Variants in CFAP54 observed in about 807,000 individuals in gnomAD.
The protein encoded by CFAP54 is cilia- and flagella-associated protein 54.
In CFAP54, 290 loss-of-function variants were observed where a neutral mutation model predicts 370.4. That is an observed-to-expected ratio of 0.78 (90% CI 0.71 to 0.86). The LOEUF is 0.86. Among genes scored for constraint, CFAP54 ranks in the 40% least tolerant of loss-of-function variants. CFAP54 has a pLI of 0.00. For missense variants in CFAP54, 3,399 were observed against 3,528.7 expected (o/e 0.96, Z 0.93); for synonymous variants, 1,206 against 1,236.5 (o/e 0.98, Z 0.52).
intron 17 of CFAP54, among the ~76,000 whole-genome samples, chr12:96,561,213 T>C (rs1955811587): frequency 6.6e-6 from 1 of 152,158 alleles, no homozygotes; most frequent in Non-Finnish European, 1.5e-5. Flanking sequence ...GGTAATTGCA[T>C]AATGGGGGCA....
At chr12:96,661,625 T>G (rs1355699237) in intron 38 of CFAP54, among the ~76,000 whole-genome samples, 2 of 152,208 alleles carry the variant, frequency 1.3e-5, no homozygotes, top group Non-Finnish European at 2.9e-5. Flanking sequence ...TGCGGGCATG[T>G]TAGACTCATC....
At position 96,745,946 on chromosome 12, in the gene CFAP54, T is replaced by C. The variant is rs1003998406; in HGVS notation, c.7684+1800T>C. 2.0e-5 allele frequency among the ~76,000 whole-genome samples: 3 copies of C among 152,164 alleles called. No individual in the cohort carries two copies. In the East Asian group the frequency reaches 5.8e-4, roughly 29 times the overall value. ...AGTATTTTCAATCCCAGGTGGATGG[T>C]ATAGTTTCTCTGCAGTGGGAAAACG... On this transcript the variant is annotated intron_variant, in intron 55 of 67. Coordinates refer to ENST00000524981, the MANE Select transcript of CFAP54 (RefSeq NM_001306084.2).
At chr12:96,500,282 T>C (rs1029810068) in intron 1 of CFAP54, among the ~76,000 whole-genome samples, 7 of 152,208 alleles carry the variant, frequency 4.6e-5, no homozygotes, top group African/African-American at 1.7e-4. Context: ...TATCAGTGGT[T>C]AACAGAGATT....
rs1956294028 is a variant in CFAP54, at chr12:96,605,859, T to C, written c.3639+7092T>C. ...CTTCACTCTGGGGATGAGACTTAGG[T>C]ATGCTCTGAGCAAGAGTTACAAACT... On this transcript the variant is annotated intron_variant, in intron 26 of 67. Transcript: ENST00000524981. 3.3e-5 allele frequency among the ~76,000 whole-genome samples: 5 copies of C among 152,252 alleles called. No individual in the cohort carries two copies. In the South Asian group the frequency reaches 1.0e-3, roughly 32 times the overall value.
At chr12:96,660,122 A>C (rs1238136350) in intron 38 of CFAP54, among the ~76,000 whole-genome samples, 1 of 152,212 alleles carries the variant, frequency 6.6e-6, no homozygotes, top group Non-Finnish European at 1.5e-5. Context: ...GATCTAGAAG[A>C]CTTCTTGGAG....
chr12:96,612,999 C>T (rs1956375835), intron 26 of CFAP54, among the ~76,000 whole-genome samples: 1 of 152,184 alleles, frequency 6.6e-6, no homozygotes, highest in Non-Finnish European at 1.5e-5. Context: ...AGGAACTGAA[C>T]TCAGCTCTGC....
At chr12:96,664,289 C>T (rs1957031550) in intron 39 of CFAP54, among the ~76,000 whole-genome samples, 1 of 152,064 alleles carries the variant, frequency 6.6e-6, no homozygotes, top group African/African-American at 2.4e-5. Context: ...CCATCCTCTT[C>T]ACCCTCTGAT....
Position 96,829,082 on chromosome 12 carries a change from A to G in CFAP54, c.9165A>G (p.Leu3055=). Residue 3055 remains leucine (L), a synonymous_variant, in exon 66 of 68, where the codon CTA becomes CTG. Transcript: ENST00000524981. The part of the protein sequence containing the change: ...LFLNDKEPTP[L]SEVPFDISLP... ...TGAATGATAAAGAGCCAACACCACT[A>G]TCTGAGGTATGTATTTCTCCTTTAA... 1 of 1,492,842 alleles carries G rather than the reference A, an allele frequency of 6.7e-7. No individual in the cohort carries two copies. The highest frequency in any genetic ancestry group is 2.5e-5 in the East Asian group (1 of 40,516). The allele number at this position is 1,492,842 out of a possible 1,614,324, so 92.5% of individuals were successfully genotyped here.
chr12:96,594,366 G>T lies in CFAP54; in HGVS notation c.3436G>T (p.Ala1146Ser). 2.0e-6 allele frequency: 3 copies of T among 1,534,178 alleles called. No individual in the cohort carries two copies. The highest frequency in any genetic ancestry group is 2.6e-6 in the Non-Finnish European group (3 of 1,145,314). ...CAACTTCCTAAATGATTCCAGCTAT[G>T]CCCTTCAAGCTGTGACTCAATGTTA... Reference protein sequence around the residue: ...LSNFLNDSSYALQAVTQCYGL... With the variant: ...LSNFLNDSSYSLQAVTQCYGL... Residue 1146 changes from alanine to serine, a missense_variant, in exon 25 of 68, where the codon GCC becomes TCC. Physicochemically the swap from Ala to Ser is moderately conservative, Grantham distance 99. Transcript: ENST00000524981.
rs1335187842 is a variant in CFAP54, at chr12:96,527,308, C to T, written c.1221C>T (p.Ser407=). 6.5e-7 allele frequency: 1 copy of T among 1,535,734 alleles called. No homozygotes were observed. The highest frequency in any genetic ancestry group is 8.7e-7 in the Non-Finnish European group (1 of 1,146,686). The change falls in exon 9 of 68, where the codon TCC becomes TCT. Residue 407 remains serine, a synonymous_variant. Transcript: ENST00000524981. ...ATGAGATGTTTGATAGCACTGCATC[C>T]CAGTTTCTGGCTGTCTTGGAAGCTC... is the stretch of plus-strand genomic sequence containing the variant. ...LLDEMFDSTA[S]QFLAVLEALS...
chr12:96,729,753 A>C (rs1957896023), intron 50 of CFAP54, among the ~76,000 whole-genome samples: 1 of 152,162 alleles, frequency 6.6e-6, no homozygotes, highest in Non-Finnish European at 1.5e-5. Flanking sequence ...CTCAGATGGA[A>C]ATGCAGAAAT....
intron 65 of CFAP54, among the ~76,000 whole-genome samples, chr12:96,819,421 A>G (rs1959008143): frequency 6.6e-6 from 1 of 152,250 alleles, no homozygotes; most frequent in African/African-American, 2.4e-5. Context: ...CCAGTTTGGA[A>G]GACAGAAAGC....
At chr12:96,742,956 G>C (rs1958068943) in intron 52 of CFAP54, among the ~76,000 whole-genome samples, 1 of 152,150 alleles carries the variant, frequency 6.6e-6, no homozygotes, top group Non-Finnish European at 1.5e-5. Flanking sequence ...TCTTTGCCAA[G>C]TCTCTTAAAT....
At chr12:96,825,563 ATATT>A (rs1255819130) in intron 65 of CFAP54, among the ~76,000 whole-genome samples, 2 of 115,004 alleles carry the variant, frequency 1.7e-5, no homozygotes, top group African/African-American at 7.0e-5. Context: ...TATATATACT[ATATT>A]TACCTATAAT....
Position 96,872,767 on chromosome 12 carries a change from A to G in CFAP54, c.*15-2351A>G, listed in dbSNP as rs570016729. ...TGATGTGGGGTAGCTTTGATGCTTC[A>G]GAGGAGCAGGTAGAATTACTTGAGA... On this transcript the variant is annotated intron_variant, in intron 67 of 67. Transcript: ENST00000524981. 5.3e-5 allele frequency among the ~76,000 whole-genome samples: 8 copies of G among 152,280 alleles called. No individual in the cohort carries two copies. In the East Asian group the frequency reaches 1.5e-3, roughly 29 times the overall value.
At chr12:96,532,926 T>G (rs1384576386) in intron 9 of CFAP54, among the ~76,000 whole-genome samples, 3 of 152,116 alleles carry the variant, frequency 2.0e-5, no homozygotes, top group Non-Finnish European at 2.9e-5. Context: ...TGGGCCTCCG[T>G]GTTTTCTTTC....
intron 26 of CFAP54, among the ~76,000 whole-genome samples, chr12:96,610,834 TGG>T (rs983698912): frequency 6.6e-6 from 1 of 152,060 alleles, no homozygotes; most frequent in Non-Finnish European, 1.5e-5. Flanking sequence ...GCAGCAAGGC[TGG>T]GGGAGGGGCA....
At chr12:96,747,525 G>A (rs780743720) in intron 55 of CFAP54, among the ~76,000 whole-genome samples, 8 of 152,190 alleles carry the variant, frequency 5.3e-5, no homozygotes, top group Non-Finnish European at 1.2e-4. Context: ...CCAGCAGATA[G>A]TATGTGCTCA....
intron 2 of CFAP54, among the ~76,000 whole-genome samples, chr12:96,503,150 T>C (rs1955050869): frequency 6.7e-6 from 1 of 150,066 alleles, no homozygotes. Flanking sequence ...TCTTTCTTTC[T>C]TTCCCTCCCT....
Sources: allele counts gnomAD v4.1 joint callset (sites outside exome capture counted in the v4.1 genomes callset), GRCh38; gene constraint gnomAD v4.1.1; transcripts MANE v1.5; gene names NCBI Gene and HGNC (gene_info 2026-07-23, HGNC 2026-07-21).